EYS: variants seen among roughly 807,000 people sequenced by gnomAD.
EYS encodes the protein EGF-like photoreceptor maintenance factor.
EYS carries 250 observed loss-of-function variants against 282.1 expected under a neutral mutation model. That is an observed-to-expected ratio of 0.89 (90% CI 0.80 to 0.98). The LOEUF (loss-of-function observed/expected upper bound fraction) is 0.98. Ranked by LOEUF, EYS falls within the 50% of genes least tolerant of loss-of-function variation. The pLI is 0.00. For synonymous variants in EYS, 1,355 were observed against 1,282.9 expected (o/e 1.06, Z -1.20); for missense variants, 4,016 against 3,709.0 (o/e 1.08, Z -2.15).
intron 2 of EYS, among the ~76,000 whole-genome samples, chr6:65,539,592 T>A (rs1400595941): frequency 6.6e-6 from 1 of 152,168 alleles, no homozygotes; most frequent in Non-Finnish European, 1.5e-5. Flanking sequence ...TAGGCATATA[T>A]CCTTAAAATG....
intron 22 of EYS, among the ~76,000 whole-genome samples, chr6:64,761,398 T>G (rs1279158337): frequency 6.6e-6 from 1 of 152,202 alleles, no homozygotes; most frequent in Non-Finnish European, 1.5e-5. Context: ...AAGCTTTTTG[T>G]GAAGATTAGC....
intron 28 of EYS, among the ~76,000 whole-genome samples, chr6:64,416,663 T>C (rs1470649871): frequency 1.3e-5 from 2 of 152,136 alleles, no homozygotes; most frequent in Admixed American, 1.3e-4. Flanking sequence ...TGCTAAGAAA[T>C]TGGAGGTTTA....
chr6:65,336,426 A>T lies in EYS; in HGVS notation c.1600-1280T>A, dbSNP rs74477147. ...TTGTTTATACTCAAATTGTGACAGA[A>T]ATATATATGTATGTGTAAATATATG... On this transcript the variant is annotated intron_variant, in intron 10 of 42. Transcript: ENST00000503581. Among the ~76,000 whole-genome samples the T allele has an allele frequency of 9.1e-3, 1,376 of 151,774 alleles. 25 individuals are homozygous for T. The highest frequency in any genetic ancestry group is 0.031 in the African/African-American group (1,287 of 41,480).
intron 22 of EYS, among the ~76,000 whole-genome samples, chr6:64,726,194 G>T (rs1436923556): frequency 5.9e-5 from 9 of 151,488 alleles, no homozygotes; most frequent in Non-Finnish European, 1.3e-4. Flanking sequence ...TATGAGCCTT[G>T]CTCTATACAC....
At chr6:64,532,008 A>C (rs1363910802) in intron 26 of EYS, among the ~76,000 whole-genome samples, 2 of 152,162 alleles carry the variant, frequency 1.3e-5, no homozygotes, top group Non-Finnish European at 2.9e-5. Flanking sequence ...GAGGTAAGAC[A>C]ATTCTACCAG....
At chr6:64,283,711 G>A (rs1768393330) in intron 30 of EYS, among the ~76,000 whole-genome samples, 1 of 152,128 alleles carries the variant, frequency 6.6e-6, no homozygotes, top group African/African-American at 2.4e-5. Context: ...AGACTGGGAA[G>A]AGAAGGAGGT....
In EYS at chr6:63,863,677, T is replaced by TTTC. The variant is rs1229603089; in HGVS notation, c.7228+508_7228+509insGAA. On this transcript the variant is annotated intron_variant, in intron 36 of 42. Transcript: ENST00000503581. Reference sequence around the variant, plus strand: ...TCTTTTCTTTTCTTTTCTTTTTTCTTTTTTTTTTTTTTTTTTGAGATGGAG... The same window carrying TTTC: ...TCTTTTCTTTTCTTTTCTTTTTTCTTTTCTTTTTTTTTTTTTTTTGAGATGGAG... 5.9e-3 allele frequency among the ~76,000 whole-genome samples: 382 copies of TTTC among 64,432 alleles called. 8 individuals carry two copies. Among genetic ancestry groups the TTTC allele is most frequent in the African/African-American group, 0.021 (351 of 16,346 alleles). 42.3% of individuals were successfully genotyped at this position (64,432 alleles called of 152,430 possible).
At chr6:65,302,474 C>G (rs1213774400) in intron 11 of EYS, 2 of 649,382 alleles carry the variant, frequency 3.1e-6, no homozygotes, top group South Asian at 1.9e-5. Flanking sequence ...TTTGAGGAAG[C>G]AGTGGCTTGT....
At chr6:64,170,330 G>A (rs1157265347) in intron 31 of EYS, among the ~76,000 whole-genome samples, 2 of 152,144 alleles carry the variant, frequency 1.3e-5, no homozygotes, top group Non-Finnish European at 2.9e-5. Context: ...TTAGATAAAT[G>A]TATTTGTTAT....
chr6:64,573,417 A>T (rs1355938887), intron 26 of EYS, among the ~76,000 whole-genome samples: 3 of 152,168 alleles, frequency 2.0e-5, no homozygotes, highest in African/African-American at 7.2e-5. Context: ...CAAAAGCCAA[A>T]ATTTGCAAAT....
At chr6:64,810,120 CA>C (rs1764548579) in intron 22 of EYS, among the ~76,000 whole-genome samples, 2 of 151,730 alleles carry the variant, frequency 1.3e-5, no homozygotes, top group Admixed American at 6.6e-5. Context: ...CTGCATAAGA[CA>C]AATAGAATAA....
At chr6:65,445,480 T>C (rs1165230019) in intron 5 of EYS, among the ~76,000 whole-genome samples, 1 of 151,830 alleles carries the variant, frequency 6.6e-6, no homozygotes, top group Non-Finnish European at 1.5e-5. Context: ...ATTTGCCTGC[T>C]AATTTATATT....
chr6:64,267,093 T>C (rs1767784209), intron 30 of EYS, among the ~76,000 whole-genome samples: 1 of 152,202 alleles, frequency 6.6e-6, no homozygotes, highest in African/African-American at 2.4e-5. Context: ...GTTTTACATA[T>C]GTAGGACTTT....
chr6:64,184,989 G>A (rs1032020315), intron 31 of EYS, among the ~76,000 whole-genome samples: 5 of 151,866 alleles, frequency 3.3e-5, no homozygotes, highest in African/African-American at 1.2e-4. Context: ...TAGATTATGA[G>A]GGTGGAGTCT....
At chr6:63,880,487 G>GTCTGTCTGTATCTATC (rs537041801) in intron 35 of EYS, among the ~76,000 whole-genome samples, 1 of 142,780 alleles carries the variant, frequency 7.0e-6, no homozygotes, top group South Asian at 2.4e-4. Flanking sequence ...CTGTCTGTCT[G>GTCTGTCTGTATCTATC]TATCTATCTA....
At chr6:64,436,856 T>G (rs1725195179) in intron 27 of EYS, among the ~76,000 whole-genome samples, 1 of 151,800 alleles carries the variant, frequency 6.6e-6, no homozygotes, top group African/African-American at 2.4e-5. Flanking sequence ...CTACATTGGC[T>G]TATTAAGCTT....
chr6:64,120,069 C>T (rs1773524729), intron 31 of EYS, among the ~76,000 whole-genome samples: 3 of 151,640 alleles, frequency 2.0e-5, no homozygotes, highest in Admixed American at 6.6e-5. Flanking sequence ...ATCTTTTGGC[C>T]AGGCGTGGTG....
Position 65,258,729 on chromosome 6 carries a change from C to G in EYS, c.2023+37134G>C, listed in dbSNP as rs1415484719. On this transcript the variant is annotated intron_variant, in intron 12 of 42. Transcript: ENST00000503581. The stretch of plus-strand genomic sequence containing the variant: ...ATGAATCCAAACAGGTATGCCACTG[C>G]AGGAGATACAATGGAATGTATACTC... Among the ~76,000 whole-genome samples, 4 of 151,984 alleles carry G rather than the reference C, an allele frequency of 2.6e-5. No individual in the cohort carries two copies. The South Asian group carries it at 8.3e-4, about 31-fold the overall frequency.
Position 64,879,626 on chromosome 6 carries a change from T to A in EYS, c.2992+7071A>T, listed in dbSNP as rs567615426. Among the ~76,000 whole-genome samples the A allele has an allele frequency of 3.9e-5, 6 of 152,026 alleles. No individual in the cohort carries two copies. The South Asian group carries it at 1.0e-3, about 26-fold the overall frequency. Reference sequence around the variant, plus strand: ...TGAAATGAAAGCTAAATATTAACAATGTAATAGAGGCACTGGAAAAGAAGA... The same window carrying A: ...TGAAATGAAAGCTAAATATTAACAAAGTAATAGAGGCACTGGAAAAGAAGA... On this transcript the variant is annotated intron_variant, in intron 19 of 42. Coordinates refer to ENST00000503581, the MANE Select transcript of EYS (RefSeq NM_001142800.2).
Sources: allele counts gnomAD v4.1 joint callset (sites outside exome capture counted in the v4.1 genomes callset), GRCh38; gene constraint gnomAD v4.1.1; transcripts MANE v1.5; gene names NCBI Gene and HGNC (gene_info 2026-07-23, HGNC 2026-07-21).